LAMC2: variants seen among roughly 807,000 people sequenced by gnomAD.
LAMC2 encodes laminin subunit gamma-2.
Under a neutral mutation model 140.2 loss-of-function variants are expected in LAMC2, and 97 were observed. The observed-to-expected ratio is 0.69, with a 90% CI of 0.59 to 0.82. The LOEUF is 0.82. Ranked by LOEUF, LAMC2 falls within the 40% of genes least tolerant of loss-of-function variation. LAMC2 has a pLI of 0.00. For missense variants in LAMC2, 1,402 were observed against 1,476.1 expected, an observed-to-expected ratio of 0.95 and a Z score of 0.82; for synonymous variants, 513 against 540.2, an observed-to-expected ratio of 0.95 and a Z score of 0.70.
In LAMC2 at chr1:183,231,351, A is replaced by G. The variant is rs189197746; in HGVS notation, c.1857+248A>G. Among the ~76,000 whole-genome samples the G allele has an allele frequency of 2.5e-3, 384 of 152,320 alleles. 3 individuals are homozygous for G. Among genetic ancestry groups the G allele is most frequent in the African/African-American group, 8.7e-3 (361 of 41,570 alleles). ...GATACTGTTTCATTTGGTACTCATG[A>G]TAACTTAGTTGAGTTGAAAGGAAAA... is the stretch of plus-strand genomic sequence containing the variant. On this transcript the variant is annotated intron_variant, in intron 12 of 22. Transcript: ENST00000264144.
rs1571524934 is a variant in LAMC2 at position 183,222,123 on chromosome 1, G to A, written c.675G>A (p.Gly225=). 1 of 1,614,120 alleles carries A rather than the reference G, an allele frequency of 6.2e-7. No homozygotes were observed. The highest frequency in any genetic ancestry group is 8.5e-7 in the Non-Finnish European group (1 of 1,179,996). ...VDGWKAVQRN[G]SPAKLQWSQR... Reference sequence around the variant, plus strand: ...GCTGGAAGGCTGTCCAACGAAATGGGTCTCCTGCAAAGCTCCAATGGTCAC... The same window carrying A: ...GCTGGAAGGCTGTCCAACGAAATGGATCTCCTGCAAAGCTCCAATGGTCAC... Residue 225 remains glycine, a synonymous_variant, in exon 6 of 23, where the codon GGG becomes GGA. Coordinates refer to ENST00000264144, the MANE Select transcript of LAMC2 (RefSeq NM_005562.3).
At chr1:183,246,830 A>C (rs1232215138), downstream of LAMC2, among the ~76,000 whole-genome samples, 1 of 152,234 alleles carries the variant, frequency 6.6e-6, no homozygotes, top group Non-Finnish European at 1.5e-5. Context: ...CCTGGAGAAC[A>C]TAGATTAGAA....
At chr1:183,199,564 C>T (rs1275826794) in intron 1 of LAMC2, among the ~76,000 whole-genome samples, 2 of 152,010 alleles carry the variant, frequency 1.3e-5, no homozygotes, top group African/African-American at 4.8e-5. Context: ...TCCATCCATC[C>T]ATCCAAGCAC....
At chr1:183,234,342 T>C (rs1659888408) in intron 14 of LAMC2, 25 bp from the exon 15 acceptor site, 2 of 1,597,306 alleles carry the variant, frequency 1.3e-6, no homozygotes, top group Non-Finnish European at 1.7e-6. Flanking sequence ...CCGATTCGCC[T>C]TAACCGATTC....
chr1:183,233,300 G>A (rs570720324), intron 14 of LAMC2, among the ~76,000 whole-genome samples: 1 of 152,276 alleles, frequency 6.6e-6, no homozygotes, highest in Admixed American at 6.5e-5. Context: ...AAGGATGGAG[G>A]AAGGGACAGA....
chr1:183,231,511 A>ATTTCAC (rs1045585635), intron 12 of LAMC2, among the ~76,000 whole-genome samples: 2 of 152,196 alleles, frequency 1.3e-5, no homozygotes, highest in African/African-American at 4.8e-5. Context: ...CCACTATAAT[A>ATTTCAC]TTTCACTTTC....
At chr1:183,221,167 A>C (rs545981444) in intron 5 of LAMC2, among the ~76,000 whole-genome samples, 2 of 152,338 alleles carry the variant, frequency 1.3e-5, no homozygotes, top group South Asian at 4.1e-4. Flanking sequence ...CATACTAGTG[A>C]ATATAACTTA....
chr1:183,235,045 T>A (rs573597809), intron 15 of LAMC2, among the ~76,000 whole-genome samples: 1 of 152,246 alleles, frequency 6.6e-6, no homozygotes, highest in Admixed American at 6.5e-5. Flanking sequence ...TTGTATATTT[T>A]GTAACATGAG....
chr1:183,216,493 G>C (rs998300256), intron 3 of LAMC2, among the ~76,000 whole-genome samples: 1 of 152,002 alleles, frequency 6.6e-6, no homozygotes, highest in African/African-American at 2.4e-5. Flanking sequence ...TTGGTTTCTC[G>C]TCACTTTCCT....
chr1:183,245,505 T>C (rs1034439958), downstream of LAMC2, among the ~76,000 whole-genome samples: 1 of 152,144 alleles, frequency 6.6e-6, no homozygotes. Context: ...TAAGGTTGCC[T>C]GGGGGATGGA....
chr1:183,218,249 G>A (rs550846079), intron 3 of LAMC2, 141 bp from the exon 4 acceptor site: 10 of 715,024 alleles, frequency 1.4e-5, no homozygotes, highest in South Asian at 7.7e-5. Flanking sequence ...AGGTCCGCAC[G>A]GGCGAGGATG....
chr1:183,251,455 T>C, the LAMC2 span: 1 of 152,262 alleles, frequency 6.6e-6, no homozygotes, highest in Non-Finnish European at 1.5e-5. Flanking sequence ...CAATACATAA[T>C]TCCAATTAGC....
intron 1 of LAMC2, among the ~76,000 whole-genome samples, chr1:183,189,968 G>C (rs1658275356): frequency 6.6e-6 from 1 of 152,168 alleles, no homozygotes; most frequent in African/African-American, 2.4e-5. Flanking sequence ...TAGTAGGAAG[G>C]ATCCTTGGAA....
At chr1:183,197,463 T>A (rs1658554240) in intron 1 of LAMC2, among the ~76,000 whole-genome samples, 1 of 152,120 alleles carries the variant, frequency 6.6e-6, no homozygotes, top group African/African-American at 2.4e-5. Flanking sequence ...TCACTTGAGA[T>A]CAGGAGTTCG....
In LAMC2 at chr1:183,236,406, A is replaced by T. The variant is rs985019722; in HGVS notation, c.2457-54A>T. 259 of 1,421,804 alleles carry T rather than the reference A, an allele frequency of 1.8e-4. 2 individuals are homozygous for T. The African/African-American group carries it at 2.9e-3, about 16-fold the overall frequency. 88.1% of individuals were successfully genotyped at this position (1,421,804 alleles called of 1,614,324 possible). On this transcript the variant is annotated intron_variant, in intron 16 of 22. Coordinates refer to ENST00000264144, the MANE Select transcript of LAMC2 (RefSeq NM_005562.3). ...CCTGTCTCAAAAAAAAAAAAAAAAA[A>T]GAATTCTCAAAGTCCTCTTTTTATT...
the LAMC2 span, among the ~76,000 whole-genome samples, chr1:183,258,408 G>C: frequency 6.6e-6 from 1 of 152,154 alleles, no homozygotes; most frequent in Non-Finnish European, 1.5e-5. Context: ...CAGTGAAAGA[G>C]ATCTAACTTA....
chr1:183,215,587 C>T lies in LAMC2; in HGVS notation c.403C>T (p.Leu135=). 1 of 1,614,162 alleles carries T rather than the reference C, an allele frequency of 6.2e-7. No homozygotes were observed. Among genetic ancestry groups the T allele is most frequent in the Non-Finnish European group, 8.5e-7 (1 of 1,180,030 alleles). The change falls in exon 3 of 23, where the codon CTA becomes TTA. Residue 135 remains leucine, a splice_region_variant and synonymous_variant. Coordinates refer to ENST00000264144, the MANE Select transcript of LAMC2 (RefSeq NM_005562.3). ...GGGGTGCACCCAAGACCAGAGACTG[C>T]TGTGAGTATTTGCATCCCACCATGG... ...DAGCTQDQRL[L]DSKCDCDPAG... is the part of the protein sequence containing the mutation.
intron 22 of LAMC2, chr1:183,241,220 C>T: frequency 1.2e-6 from 1 of 842,398 alleles, no homozygotes; most frequent in Non-Finnish European, 1.4e-6. Context: ...TGCTCTCCAG[C>T]CTGGGGAACA....
At chr1:183,234,485 T>G in intron 15 of LAMC2, 39 bp downstream of exon 15, 1 of 1,484,296 alleles carries the variant, frequency 6.7e-7, no homozygotes, top group Non-Finnish European at 9.4e-7. Context: ...TCAAGCCGTC[T>G]CTGCAAGGCC....
Sources: allele counts gnomAD v4.1 joint callset (sites outside exome capture counted in the v4.1 genomes callset), GRCh38; gene constraint gnomAD v4.1.1; transcripts MANE v1.5; gene names NCBI Gene and HGNC (gene_info 2026-07-23, HGNC 2026-07-21).